FBXO27: variants seen among roughly 807,000 people sequenced by gnomAD.
The protein encoded by FBXO27 is F-box protein 27.
Under a neutral mutation model 28.3 loss-of-function variants are expected in FBXO27, and 28 were observed. That is an observed-to-expected ratio of 0.99 (90% confidence interval 0.73 to 1.36). The LOEUF is 1.36. FBXO27 is among the 40% of genes most tolerant of loss of function. The probability of loss-of-function intolerance (pLI) is 0.00; values close to 1 mark genes in which losing one functional copy is unlikely to be tolerated. For synonymous variants in FBXO27, 175 were observed against 167.3 expected, an observed-to-expected ratio of 1.05 and a Z score of -0.36; for missense variants, 388 against 394.1, an observed-to-expected ratio of 0.98 and a Z score of 0.13.
chr19:39,018,738 T>G (rs1226496064), intron 1 of FBXO27, among the ~76,000 whole-genome samples: 8 of 152,082 alleles, frequency 5.3e-5, no homozygotes, highest in Non-Finnish European at 1.2e-4. Context: ...AAGCAGGAAA[T>G]CCTTGCACTT....
chr19:39,031,459 T>TC (rs1020772534), intron 2 of FBXO27, 139 bp from the exon 3 acceptor site: 5 of 680,968 alleles, frequency 7.3e-6, no homozygotes, highest in African/African-American at 2.1e-5. Flanking sequence ...CCCGCCCCCT[T>TC]CCCCTCCCAC....
chr19:39,022,146 CTTTTTTTTTT>C (rs532602600), downstream of FBXO27, among the ~76,000 whole-genome samples: 782 of 89,088 alleles, frequency 8.8e-3, 7 homozygotes, highest in African/African-American at 0.031. Flanking sequence ...ATTTTCTATT[CTTTTTTTTTT>C]TTTTTTTTTT....
At chr19:39,029,966 T>G (rs2072893226) in intron 4 of FBXO27, among the ~76,000 whole-genome samples, 1 of 152,222 alleles carries the variant, frequency 6.6e-6, no homozygotes, top group South Asian at 2.1e-4. Context: ...CTCAGCCTCC[T>G]GAGTAGCTGG....
At chr19:39,023,066 A>C (rs1477583944), downstream of FBXO27, among the ~76,000 whole-genome samples, 1 of 151,988 alleles carries the variant, frequency 6.6e-6, no homozygotes, top group Non-Finnish European at 1.5e-5. Context: ...CAGCCTCCCA[A>C]AGTGCTGAGA....
At chr19:39,030,852 C>T (rs2072898116) in intron 4 of FBXO27, 177 bp downstream of exon 4, 1 of 649,668 alleles carries the variant, frequency 1.5e-6, no homozygotes, top group East Asian at 2.6e-5. Flanking sequence ...AAGTGATCTG[C>T]CTGCCTCGAC....
At chr19:39,019,424 CAAAAAAAAAAAAAAAAAAAAAAAAAAAA>C (rs566451562), downstream of FBXO27, among the ~76,000 whole-genome samples, 53 of 35,450 alleles carry the variant, frequency 1.5e-3, no homozygotes, top group African/African-American at 4.8e-3. Flanking sequence ...GACTCTGTCT[CAAAAAAAAAAAAAAAAAAAAAAAAAAAA>C]AAAAAAAAAA....
chr19:39,020,329 C>T (rs909007915), downstream of FBXO27, among the ~76,000 whole-genome samples: 3 of 152,056 alleles, frequency 2.0e-5, no homozygotes, highest in East Asian at 1.9e-4. Flanking sequence ...GTTCCACCGA[C>T]GCTTTGTCCT....
chr19:39,017,869 T>C (rs1012277587), intron 1 of FBXO27, among the ~76,000 whole-genome samples: 4 of 152,148 alleles, frequency 2.6e-5, no homozygotes, highest in Non-Finnish European at 5.9e-5. Context: ...TTGGTATCCA[T>C]GGGATTGGTT....
At chr19:39,020,172 A>G (rs766595833), downstream of FBXO27, among the ~76,000 whole-genome samples, 6 of 152,110 alleles carry the variant, frequency 3.9e-5, no homozygotes, top group Admixed American at 1.3e-4. Flanking sequence ...GGCTGACTCT[A>G]CTGTTTCGTG....
downstream of FBXO27, among the ~76,000 whole-genome samples, chr19:39,021,554 A>G (rs764019734): frequency 1.3e-5 from 2 of 152,224 alleles, no homozygotes; most frequent in Non-Finnish European, 2.9e-5. Flanking sequence ...TACAGTATAT[A>G]ATATAATAAC....
At chr19:39,027,564 C>G (rs1480860045) in intron 4 of FBXO27, among the ~76,000 whole-genome samples, 1 of 152,140 alleles carries the variant, frequency 6.6e-6, no homozygotes, top group Non-Finnish European at 1.5e-5. Flanking sequence ...CTTTTCTTGG[C>G]TGATTTTAAT....
intron 4 of FBXO27, among the ~76,000 whole-genome samples, chr19:39,027,613 A>T (rs1405460619): frequency 3.9e-5 from 6 of 152,082 alleles, no homozygotes; most frequent in Non-Finnish European, 7.4e-5. Context: ...AGTGTGTAGT[A>T]GCTTTCTGTG....
intron 2 of FBXO27, among the ~76,000 whole-genome samples, chr19:39,012,079 C>CAAA: frequency 1.3e-5 from 2 of 151,814 alleles, no homozygotes; most frequent in Non-Finnish European, 2.9e-5. Context: ...GTGATCCGCC[C>CAAA]GTCTCGGCCT....
At chr19:39,012,512 C>T (rs2072800373) in intron 2 of FBXO27, among the ~76,000 whole-genome samples, 1 of 152,146 alleles carries the variant, frequency 6.6e-6, no homozygotes, top group Non-Finnish European at 1.5e-5. Flanking sequence ...CTAAATGTTT[C>T]ATCCAGAAGG....
downstream of FBXO27, among the ~76,000 whole-genome samples, chr19:39,021,005 C>A (rs778585140): frequency 2.0e-5 from 3 of 152,098 alleles, no homozygotes; most frequent in Non-Finnish European, 4.4e-5. Context: ...CAGGCACCCG[C>A]CACCACGCCC....
At chr19:39,015,853 TTGAGG>T (rs1356327668) in intron 1 of FBXO27, among the ~76,000 whole-genome samples, 4 of 152,020 alleles carry the variant, frequency 2.6e-5, no homozygotes, top group Non-Finnish European at 5.9e-5. Context: ...GGTAGATCGT[TTGAGG>T]TGAGGAGTTC....
intron 2 of FBXO27, among the ~76,000 whole-genome samples, chr19:39,013,789 G>T (rs928324412): frequency 6.6e-6 from 1 of 151,952 alleles, no homozygotes; most frequent in South Asian, 2.1e-4. Context: ...CAAGGCAGGC[G>T]GATCACGAGG....
intron 2 of FBXO27, among the ~76,000 whole-genome samples, chr19:39,008,960 A>G (rs1327214604): frequency 6.6e-6 from 1 of 152,172 alleles, no homozygotes; most frequent in Non-Finnish European, 1.5e-5. Flanking sequence ...AGCTGGGATT[A>G]CAGGCACCCG....
chr19:39,026,456 C>T (rs1171583818), intron 5 of FBXO27, among the ~76,000 whole-genome samples: 2 of 152,068 alleles, frequency 1.3e-5, no homozygotes, highest in Non-Finnish European at 2.9e-5. Context: ...ACAGAAATCA[C>T]GAGAGGTAGT....
Sources: allele counts gnomAD v4.1 joint callset (sites outside exome capture counted in the v4.1 genomes callset), GRCh38; gene constraint gnomAD v4.1.1; transcripts MANE v1.5; gene names NCBI Gene and HGNC (gene_info 2026-07-23, HGNC 2026-07-21).